The following AHNAK variants were observed in gnomAD, a reference collection of about 807,000 sequenced individuals.
The protein encoded by AHNAK is neuroblast differentiation-associated protein AHNAK.
A neutral mutation model predicts 37.8 loss-of-function variants in AHNAK; 23 were observed. The observed-to-expected ratio is 0.61, with a 90% CI of 0.44 to 0.86. The LOEUF (loss-of-function observed/expected upper bound fraction) is 0.86. Ranked by LOEUF, AHNAK falls within the 40% of genes least tolerant of loss-of-function variation. The probability of loss-of-function intolerance (pLI) is 0.00; values close to 1 mark genes in which losing one functional copy is unlikely to be tolerated. For missense variants in AHNAK, 7,411 were observed against 7,319.4 expected (o/e 1.01, Z -0.46); for synonymous variants, 2,481 against 2,636.3 (o/e 0.94, Z 1.80).
In AHNAK at chr11:62,468,719, T is replaced by C. The variant is rs1044908270; in HGVS notation, c.442+23013A>G. On this transcript the variant is annotated intron_variant, in intron 5 of 5. Transcript: ENST00000257247. ...AGGTCAAACTTCCCATGCTGATCAG[T>C]AGTGGGACTGTGCCTGTGAAGAGTC... Among the ~76,000 whole-genome samples, 4 of 152,048 alleles carry C rather than the reference T, an allele frequency of 2.6e-5. No homozygotes were observed. In the East Asian group the frequency reaches 7.7e-4, roughly 29 times the overall value.
chr11:62,481,970 A>G (rs1249998919), intron 5 of AHNAK, among the ~76,000 whole-genome samples: 4 of 151,818 alleles, frequency 2.6e-5, no homozygotes, highest in Non-Finnish European at 4.4e-5. Context: ...CCATTCCCCA[A>G]TGCATGCCCT....
At chr11:62,474,730 G>C (rs968155367) in intron 5 of AHNAK, among the ~76,000 whole-genome samples, 7 of 152,206 alleles carry the variant, frequency 4.6e-5, no homozygotes, top group Admixed American at 3.9e-4. Flanking sequence ...TGGACATTTA[G>C]TCAGTTTGCG....
intron 1 of AHNAK, among the ~76,000 whole-genome samples, chr11:62,543,899 G>C (rs1217949278): frequency 6.6e-6 from 1 of 152,192 alleles, no homozygotes; most frequent in East Asian, 1.9e-4. Context: ...AGAAACTTTG[G>C]GGCCTCGGGA....
rs966375707 is a variant in AHNAK, at chr11:62,489,072, C to T, written c.442+2660G>A. Among the ~76,000 whole-genome samples, 10 of 152,102 alleles carry T rather than the reference C, an allele frequency of 6.6e-5. No homozygotes were observed. In the South Asian group the frequency reaches 2.1e-3, roughly 32 times the overall value. ...TGGCCAATATGGTGAAACCTCATCTCTACTAAAAATACAAAAAAATTAGCT... is the reference window on the plus strand; with the variant it reads ...TGGCCAATATGGTGAAACCTCATCTTTACTAAAAATACAAAAAAATTAGCT... On this transcript the variant is annotated intron_variant, in intron 5 of 5. Coordinates refer to the AHNAK transcript ENST00000257247.
chr11:62,471,005 C>T (rs535699879), intron 5 of AHNAK, among the ~76,000 whole-genome samples: 76 of 152,102 alleles, frequency 5.0e-4, no homozygotes, highest in African/African-American at 1.8e-3. Context: ...GCTGAAAGAA[C>T]GTCAGATTTT....
At chr11:62,439,665 A>ATTTTT (rs34334316) in intron 5 of AHNAK, among the ~76,000 whole-genome samples, 5 of 83,300 alleles carry the variant, frequency 6.0e-5, no homozygotes, top group African/African-American at 1.1e-4. Context: ...TTTTTGTGTG[A>ATTTTT]TTTTTTTTTT....
chr11:62,440,775 T>C (rs1007016787), intron 5 of AHNAK, among the ~76,000 whole-genome samples: 1 of 152,124 alleles, frequency 6.6e-6, no homozygotes, highest in Non-Finnish European at 1.5e-5. Context: ...CCCAGGACAG[T>C]TGAGGGCCCT....
intron 5 of AHNAK, among the ~76,000 whole-genome samples, chr11:62,471,102 G>T (rs1260696189): frequency 6.6e-6 from 1 of 152,226 alleles, no homozygotes; most frequent in Non-Finnish European, 1.5e-5. Context: ...CAGGGATGAT[G>T]GCCCATGGGG....
At chr11:62,434,993 T>C (rs1243580048) in intron 5 of AHNAK, among the ~76,000 whole-genome samples, 2 of 144,056 alleles carry the variant, frequency 1.4e-5, no homozygotes, top group African/African-American at 5.1e-5. Flanking sequence ...GAACCAGGCC[T>C]CCTTTCCTAC....
rs550775832 is a variant in AHNAK at position 62,503,582 on chromosome 11, C to CAA, written c.343-11753_343-11752dup. ...TGGACAACAAAGCAAGACTCCATCT[C>CAA]AAAAAAAAAAAAGAAAAAGAAAAAA... On this transcript the variant is annotated intron_variant, in intron 4 of 5. Transcript: ENST00000257247. 6.6e-3 allele frequency among the ~76,000 whole-genome samples: 845 copies of CAA among 127,600 alleles called. 7 individuals carry two copies. Among genetic ancestry groups the CAA allele is most frequent in the African/African-American group, 0.022 (792 of 36,046 alleles). 83.7% of individuals were successfully genotyped at this position (127,600 alleles called of 152,430 possible).
Position 62,530,743 on chromosome 11 carries a change from T to A in AHNAK, c.3674A>T (p.Lys1225Ile). 6.2e-7 allele frequency: 1 copy of A among 1,613,944 alleles called. No individual in the cohort carries two copies. The change falls in exon 5 of 5, where the codon AAA becomes ATA. Residue 1225 changes from lysine to isoleucine, a missense_variant. Lys to Ile is a moderately radical substitution (Grantham distance 102). Transcript: ENST00000378024. ...TCCTTTGATTTCAACATCTGGCACT[T>A]TCATTTCACCTTCTACCTTGGGCAC... is the stretch of plus-strand genomic sequence containing the variant. ...VSVPKVEGEM[K>I]VPDVEIKGPK...
At chr11:62,496,736 A>C (rs1939616454) in intron 4 of AHNAK, among the ~76,000 whole-genome samples, 1 of 152,040 alleles carries the variant, frequency 6.6e-6, no homozygotes, top group African/African-American at 2.4e-5. Context: ...CGGCAGTTGC[A>C]GTGAGCCGAG....
chr11:62,467,771 G>C (rs984045434), intron 5 of AHNAK, among the ~76,000 whole-genome samples: 7 of 152,216 alleles, frequency 4.6e-5, no homozygotes, highest in African/African-American at 1.7e-4. Context: ...TTGGAAAAAA[G>C]AGAGGGACAC....
chr11:62,444,507 T>C (rs1565195956), intron 5 of AHNAK, among the ~76,000 whole-genome samples: 1 of 152,236 alleles, frequency 6.6e-6, no homozygotes, highest in Non-Finnish European at 1.5e-5. Flanking sequence ...TTAGGCAGGG[T>C]TGGCTGACAG....
intron 5 of AHNAK, among the ~76,000 whole-genome samples, chr11:62,490,581 G>A (rs912474326): frequency 2.0e-5 from 3 of 152,064 alleles, no homozygotes; most frequent in South Asian, 2.1e-4. Flanking sequence ...TGGGTGGAGC[G>A]CTGGGCAAGG....
At chr11:62,544,882 C>T (rs1258499374) in intron 1 of AHNAK, among the ~76,000 whole-genome samples, 1 of 152,194 alleles carries the variant, frequency 6.6e-6, no homozygotes, top group African/African-American at 2.4e-5. Context: ...GCTGCAGCCC[C>T]TCACTGTATT....
At chr11:62,478,129 C>T (rs1452784805) in intron 5 of AHNAK, among the ~76,000 whole-genome samples, 1 of 152,200 alleles carries the variant, frequency 6.6e-6, no homozygotes, top group Non-Finnish European at 1.5e-5. Flanking sequence ...ATCTCCTCCC[C>T]CACTATTCCA....
At chr11:62,503,611 G>T (rs184814383) in intron 4 of AHNAK, among the ~76,000 whole-genome samples, 53 of 151,800 alleles carry the variant, frequency 3.5e-4, no homozygotes, top group African/African-American at 1.2e-3. Context: ...GAAAAAAAAA[G>T]TGAGTGTTTG....
intron 5 of AHNAK, among the ~76,000 whole-genome samples, chr11:62,463,209 A>G (rs1938830527): frequency 6.6e-6 from 1 of 151,674 alleles, no homozygotes; most frequent in Non-Finnish European, 1.5e-5. Context: ...CTAACAATGT[A>G]TCCATTTTAA....
Sources: gnomAD v4.1 joint callset for allele counts (sites outside exome capture counted in the v4.1 genomes callset) on GRCh38, gnomAD v4.1.1 for gene constraint, MANE v1.5 for transcripts, NCBI Gene and HGNC (gene_info 2026-07-23, HGNC 2026-07-21) for gene names.